Variants in APC2 observed in about 807,000 individuals in gnomAD.
APC2 encodes the protein adenomatous polyposis coli protein 2.
Under a neutral mutation model 72.5 loss-of-function variants are expected in APC2, and 41 were observed. The observed-to-expected ratio is 0.57, with a 90% CI of 0.44 to 0.73. The LOEUF is 0.73. APC2 is among the 30% of genes least tolerant of loss of function. The pLI is 0.00. For missense variants in APC2, 3,729 were observed against 3,403.4 expected (o/e 1.10, Z -2.38); for synonymous variants, 1,898 against 1,612.0 (o/e 1.18, Z -4.25).
At chr19:1,454,675 C>T (rs539241740) in intron 4 of APC2, among the ~76,000 whole-genome samples, 109 of 151,760 alleles carry the variant, frequency 7.2e-4, no homozygotes, top group African/African-American at 2.3e-3. Context: ...ACCATTCTCC[C>T]ACCTCAGCCT....
Position 1,468,215 on chromosome 19 carries a change from C to T in APC2, c.4914C>T (p.Pro1638=). ...LLQRCISSAL[P]RRRPPVSGLR... is the part of the protein sequence containing the mutation. Reference sequence around the variant, plus strand: ...AGCGGTGCATCAGCTCGGCCCTGCCCAGGCGCCGGCCCCCCGTGTCTGGCC... The same window carrying T: ...AGCGGTGCATCAGCTCGGCCCTGCCTAGGCGCCGGCCCCCCGTGTCTGGCC... Residue 1638 remains proline (P), a synonymous_variant, in exon 15 of 15, where the codon CCC becomes CCT. Coordinates refer to ENST00000590469, the MANE Select transcript of APC2 (RefSeq NM_005883.3). The T allele has an allele frequency of 6.8e-7, 1 of 1,475,906 alleles. No individual in the cohort carries two copies. The highest frequency in any genetic ancestry group is 8.9e-7 in the Non-Finnish European group (1 of 1,122,052). The allele number at this position is 1,475,906 out of a possible 1,614,324, so 91.4% of individuals were successfully genotyped here.
intron 1 of APC2, chr19:1,451,185 G>A (rs752235225): frequency 6.5e-6 from 1 of 153,040 alleles, no homozygotes. Context: ...GGAGGGACTA[G>A]CTTAGTCTGA....
Position 1,469,158 on chromosome 19 carries a change from C to A in APC2, c.5857C>A (p.Pro1953Thr), listed in dbSNP as rs909885526. ...GGCTCGGGCAGTCCCGGAGCCGGGCCCCAGGGGCCGGGCGGGGACCGAGGC... is the reference window on the plus strand; with the variant it reads ...GGCTCGGGCAGTCCCGGAGCCGGGCACCAGGGGCCGGGCGGGGACCGAGGC... The part of the protein sequence containing the change: ...PLARAVPEPG[P>T]RGRAGTEAGP... The change falls in exon 15 of 15, where the codon CCC becomes ACC. Residue 1953 changes from proline to threonine, a missense_variant. By Grantham distance (38) the Pro-to-Thr change is conservative (BLOSUM62 -1). Transcript: ENST00000590469. 3 of 1,280,844 alleles carry A rather than the reference C, an allele frequency of 2.3e-6. No homozygotes were observed. Among genetic ancestry groups the A allele is most frequent in the Admixed American group, 4.2e-5 (1 of 23,636 alleles). The allele number at this position is 1,280,844 out of a possible 1,614,324, so 79.3% of individuals were successfully genotyped here.
chr19:1,461,944 T>C lies in APC2; in HGVS notation c.1639-19T>C. 8.2e-7 allele frequency: 1 copy of C among 1,217,416 alleles called. No homozygotes were observed. Among genetic ancestry groups the C allele is most frequent in the Non-Finnish European group, 1.2e-6 (1 of 856,510 alleles). The allele number at this position is 1,217,416 out of a possible 1,614,324, so 75.4% of individuals were successfully genotyped here. Reference sequence around the variant, plus strand: ...GGCCACTCAGGCCCTGACCCGCCCCTCTCCCGCCCCTCGTCCAGGAGTCCA... The same window carrying C: ...GGCCACTCAGGCCCTGACCCGCCCCCCTCCCGCCCCTCGTCCAGGAGTCCA... On this transcript the variant is annotated intron_variant, in intron 13 of 14. Coordinates refer to ENST00000590469, the MANE Select transcript of APC2 (RefSeq NM_005883.3).
In APC2 at chr19:1,468,246, C is replaced by A; in HGVS notation, c.4945C>A (p.Arg1649Ser). The change falls in exon 15 of 15, where the codon CGC (arginine) becomes AGC (serine). Residue 1649 changes from arginine (R) to serine (S), a missense_variant. Arg to Ser is a moderately radical substitution (Grantham distance 110, BLOSUM62 -1). Coordinates refer to ENST00000590469, the MANE Select transcript of APC2 (RefSeq NM_005883.3). ...CCGGCCCCCCGTGTCTGGCCTGCGGCGCCGCAAGCCCCGAGCCACCCGGCT... is the reference window on the plus strand; with the variant it reads ...CCGGCCCCCCGTGTCTGGCCTGCGGAGCCGCAAGCCCCGAGCCACCCGGCT... ...RRRPPVSGLR[R>S]RKPRATRLDE... 6.6e-7 allele frequency: 1 copy of A among 1,506,194 alleles called. No homozygotes were observed. Among genetic ancestry groups the A allele is most frequent in the Non-Finnish European group, 8.8e-7 (1 of 1,132,052 alleles). 93.3% of individuals were successfully genotyped at this position (1,506,194 alleles called of 1,614,324 possible).
At chr19:1,461,274 T>G (rs1334302418) in intron 13 of APC2, 121 bp downstream of exon 13, 2 of 862,562 alleles carry the variant, frequency 2.3e-6, no homozygotes, top group Non-Finnish European at 3.7e-6. Flanking sequence ...GCTTAGCGGG[T>G]GGTCCAGCCT....
At chr19:1,453,899 A>T (rs145324066) in intron 4 of APC2, among the ~76,000 whole-genome samples, 2,333 of 152,242 alleles carry the variant, frequency 0.015, 65 homozygotes, top group African/African-American at 0.048. Context: ...CAGGGGTCCG[A>T]GACACGCAGG....
chr19:1,469,823 C>G lies in APC2; in HGVS notation c.6522C>G (p.Pro2174=). ...CCCTGCCACTGCGGGGCTCCACGCC[C>G]GAGGACGCCCCGGCCGGGCCCCCGC... is the stretch of plus-strand genomic sequence containing the variant. ...ATALPLRGST[P]EDAPAGPPPR... is the part of the protein sequence containing the mutation. The change falls in exon 15 of 15, where the codon CCC becomes CCG. Residue 2174 remains proline (P), a synonymous_variant. Transcript: ENST00000590469. 6.6e-7 allele frequency: 1 copy of G among 1,521,286 alleles called. No individual in the cohort carries two copies. The highest frequency in any genetic ancestry group is 8.8e-7 in the Non-Finnish European group (1 of 1,141,546). 94.2% of individuals were successfully genotyped at this position (1,521,286 alleles called of 1,614,324 possible). A position where few individuals can be genotyped will look rare whatever the true frequency, so the allele number is the denominator to read the frequency against.
Position 1,467,894 on chromosome 19 carries a change from G to C in APC2, c.4593G>C (p.Ser1531=), listed in dbSNP as rs758972605. 4 of 1,581,214 alleles carry C rather than the reference G, an allele frequency of 2.5e-6. No individual in the cohort carries two copies. The highest frequency in any genetic ancestry group is 3.4e-5 in the Admixed American group (2 of 58,752). ...AAPTPTHRRT[S]AIPRAFTRER... is the part of the protein sequence containing the mutation. ...CCACGCCAACCCACCGGCGCACATC[G>C]GCCATCCCTCGCGCTTTTACGCGGG... The change falls in exon 15 of 15, where the codon TCG becomes TCC. Residue 1531 remains serine (S), a synonymous_variant. Coordinates refer to ENST00000590469, the MANE Select transcript of APC2 (RefSeq NM_005883.3).
intron 14 of APC2, among the ~76,000 whole-genome samples, chr19:1,464,534 C>G (rs530244467): frequency 6.6e-6 from 1 of 151,446 alleles, no homozygotes; most frequent in Admixed American, 6.6e-5. Flanking sequence ...CCAGGCTGTA[C>G]GACAGAGCGA....
In APC2 at chr19:1,457,050, G is replaced by T. The variant is rs1207158725; in HGVS notation, c.1014G>T (p.Pro338=). 1.3e-6 allele frequency: 2 copies of T among 1,530,656 alleles called. No individual in the cohort carries two copies. The highest frequency in any genetic ancestry group is 8.7e-7 in the Non-Finnish European group (1 of 1,145,736). The allele number at this position is 1,530,656 out of a possible 1,614,324, so 94.8% of individuals were successfully genotyped here. The part of the protein sequence containing the change: ...AGGRAGAPGA[P]GAKDARMRAN... The stretch of plus-strand genomic sequence containing the variant: ...GTCGCGCCGGGGCCCCAGGGGCACC[G>T]GGCGCCAAGGACGCACGCATGCGCG... The change falls in exon 9 of 15, where the codon CCG becomes CCT. Residue 338 remains proline (P), a synonymous_variant. Transcript: ENST00000590469.
At chr19:1,461,574 C>T (rs781468905) in intron 13 of APC2, 5 of 305,708 alleles carry the variant, frequency 1.6e-5, no homozygotes, top group South Asian at 8.6e-5. Flanking sequence ...CTCACTGGGC[C>T]GGGCGCGGTG....
At chr19:1,456,763 G>A (rs1409570626) in intron 8 of APC2, 90 bp from the exon 9 acceptor site, 3 of 1,453,554 alleles carry the variant, frequency 2.1e-6, no homozygotes, top group Admixed American at 5.1e-5. Context: ...TGCCCTTGGG[G>A]ACGGGGCAGG....
intron 14 of APC2, among the ~76,000 whole-genome samples, chr19:1,464,170 G>A (rs545123234): frequency 8.5e-5 from 13 of 152,202 alleles, no homozygotes; most frequent in East Asian, 5.8e-4. Context: ...TTAGCCAGGC[G>A]GGGTGGTGGG....
Position 1,457,055 on chromosome 19 carries a change from C to G in APC2, c.1019C>G (p.Ala340Gly). The change falls in exon 9 of 15, where the codon GCC (alanine) becomes GGC (glycine). Residue 340 changes from alanine to glycine, a missense_variant. Ala to Gly is a moderately conservative substitution (Grantham distance 60). Transcript: ENST00000590469. ...GCCGGGGCCCCAGGGGCACCGGGCGCCAAGGACGCACGCATGCGCGCCAAC... is the reference window on the plus strand; with the variant it reads ...GCCGGGGCCCCAGGGGCACCGGGCGGCAAGGACGCACGCATGCGCGCCAAC... ...GRAGAPGAPG[A>G]KDARMRANAA... 6.5e-7 allele frequency: 1 copy of G among 1,534,814 alleles called. No homozygotes were observed.
Position 1,452,687 on chromosome 19 carries a change from C to G in APC2, c.-18-297C>G. 1 of 364,044 alleles carries G rather than the reference C, an allele frequency of 2.7e-6. No homozygotes were observed. Among genetic ancestry groups the G allele is most frequent in the South Asian group, 3.5e-5 (1 of 28,284 alleles). 22.6% of individuals were successfully genotyped at this position (364,044 alleles called of 1,614,324 possible). ...TGGGGGCTGGGAAGGAGAGGCCGAC[C>G]CATCGTCTGTCGGTCGACTGGTCAG... On this transcript the variant is annotated intron_variant, in intron 1 of 14. Transcript: ENST00000590469. This position sits in a 1 kb window ranked among gnomAD's most constrained non-coding sequence, Gnocchi z 5.1.
At chr19:1,465,047 A>G in intron 14 of APC2, 108 bp from the exon 15 acceptor site, 1 of 1,282,928 alleles carries the variant, frequency 7.8e-7, no homozygotes, top group Non-Finnish European at 1.1e-6. Context: ...CCAAGATCCA[A>G]ACCTAACCAG....
chr19:1,457,112 C>A lies in APC2; in HGVS notation c.1076C>A (p.Pro359Gln), dbSNP rs765882050. Residue 359 changes from proline (P) to glutamine (Q), a missense_variant, in exon 9 of 15, where the codon CCG becomes CAG. Pro to Gln is a moderately conservative substitution (Grantham distance 76). Transcript: ENST00000590469. Reference sequence around the variant, plus strand: ...CTGCACAACATCGTCTTCTCGCAGCCGGACCAGGGCCTGGCGCGCAAGGAG... The same window carrying A: ...CTGCACAACATCGTCTTCTCGCAGCAGGACCAGGGCCTGGCGCGCAAGGAG... ...AALHNIVFSQPDQGLARKEMR... is the reference protein window; with the variant it reads ...AALHNIVFSQQDQGLARKEMR... 2 of 1,585,802 alleles carry A rather than the reference C, an allele frequency of 1.3e-6. No individual in the cohort carries two copies. Among genetic ancestry groups the A allele is most frequent in the Non-Finnish European group, 1.7e-6 (2 of 1,169,818 alleles).
Position 1,455,069 on chromosome 19 carries a change from G to T in APC2, c.414-80G>T, listed in dbSNP as rs372646315. 8.1e-6 allele frequency: 7 copies of T among 869,180 alleles called. No individual in the cohort carries two copies. In the East Asian group the frequency reaches 1.4e-4, roughly 17 times the overall value. 53.8% of individuals were successfully genotyped at this position (869,180 alleles called of 1,614,324 possible). A position where few individuals can be genotyped will look rare whatever the true frequency, so the allele number is the denominator to read the frequency against. ...CTGTTAACCTTGGCATACAGTAAGCGCTAACAAGTGATTACAAATATCAAA... is the reference window on the plus strand; with the variant it reads ...CTGTTAACCTTGGCATACAGTAAGCTCTAACAAGTGATTACAAATATCAAA... On this transcript the variant is annotated intron_variant, in intron 4 of 14. Coordinates refer to ENST00000590469, the MANE Select transcript of APC2 (RefSeq NM_005883.3).
Sources: allele counts gnomAD v4.1 joint callset (sites outside exome capture counted in the v4.1 genomes callset), GRCh38; gene constraint gnomAD v4.1.1; non-coding constraint Gnocchi (gnomAD v3.1); transcripts MANE v1.5; gene names NCBI Gene and HGNC (gene_info 2026-07-23, HGNC 2026-07-21).